PSG1: variants seen among roughly 807,000 people sequenced by gnomAD.
The protein encoded by PSG1 is pregnancy specific beta-1-glycoprotein 1.
PSG1 carries 60 observed loss-of-function variants against 41.4 expected under a neutral mutation model. That is an observed-to-expected ratio of 1.45 (90% confidence interval 1.18 to 1.80). The LOEUF (loss-of-function observed/expected upper bound fraction) is 1.80, where lower values mean the gene tolerates loss of function less well. Among genes scored for constraint, PSG1 ranks in the 40% most tolerant of loss-of-function variants. PSG1 has a pLI of 0.00. For missense variants in PSG1, 806 were observed against 516.9 expected (o/e 1.56, Z -5.42); for synonymous variants, 256 against 192.9 (o/e 1.33, Z -2.71).
Position 42,868,184 on chromosome 19 carries a change from T to A in PSG1, c.1160A>T (p.Lys387Met). ...QKLFIRHITT[K>M]HSGLYVCSVR... ...AGAGCAAACATAGAGCCCGCTATGCTTTGTAGTAATATGGCGGATAAAGAG... is the reference window on the plus strand; with the variant it reads ...AGAGCAAACATAGAGCCCGCTATGCATTGTAGTAATATGGCGGATAAAGAG... Residue 387 changes from lysine (K) to methionine (M), a missense_variant, in exon 5 of 6, where the codon AAG (lysine) becomes ATG (methionine). Physicochemically the swap from Lys to Met is moderately conservative, Grantham distance 95. Coordinates refer to ENST00000436291, the MANE Select transcript of PSG1 (RefSeq NM_001184825.2). 1 of 1,612,378 alleles carries A rather than the reference T, an allele frequency of 6.2e-7. No homozygotes were observed. The highest frequency in any genetic ancestry group is 2.2e-5 in the East Asian group (1 of 44,806).
At chr19:42,872,837 A>T (rs1971451611) in intron 2 of PSG1, among the ~76,000 whole-genome samples, 4 of 151,828 alleles carry the variant, frequency 2.6e-5, no homozygotes, top group Admixed American at 2.0e-4. Flanking sequence ...CTAGAAATAC[A>T]TGTGGATCTT....
chr19:42,878,309 T>G (rs1249187887), intron 1 of PSG1, 31 bp from the exon 2 acceptor site: 5 of 1,583,592 alleles, frequency 3.2e-6, no homozygotes, highest in Non-Finnish European at 4.3e-6. Flanking sequence ...CAGTCAATAT[T>G]GAGACCTATG....
At chr19:42,873,505 G>A (rs1338203158) in intron 2 of PSG1, among the ~76,000 whole-genome samples, 4 of 151,766 alleles carry the variant, frequency 2.6e-5, no homozygotes, top group East Asian at 3.9e-4. Flanking sequence ...AAATTTGGAG[G>A]AAACATTAAA....
intron 2 of PSG1, among the ~76,000 whole-genome samples, chr19:42,875,606 C>T (rs1971570101): frequency 6.6e-6 from 1 of 151,388 alleles, no homozygotes; most frequent in Non-Finnish European, 1.5e-5. Context: ...ATCATGTCCC[C>T]CTGCCCCCAT....
Position 42,866,851 on chromosome 19 carries a change from G to C in PSG1, c.*283C>G, listed in dbSNP as rs149410315. 4.8e-6 allele frequency: 3 copies of C among 627,134 alleles called. No individual in the cohort carries two copies. The highest frequency in any genetic ancestry group is 2.8e-5 in the East Asian group (1 of 36,086). 38.8% of individuals were successfully genotyped at this position (627,134 alleles called of 1,614,324 possible). A position where few individuals can be genotyped will look rare whatever the true frequency, so the allele number is the denominator to read the frequency against. On this transcript the variant is annotated 3_prime_UTR_variant, in exon 6 of 6. Transcript: ENST00000436291. ...CATGAGCAAGGACAGTTAAGAGGGG[G>C]GAGAGCCTCATCATGATGGGGAGTC... is the stretch of plus-strand genomic sequence containing the variant.
At chr19:42,867,573 G>C (rs911796450) in intron 5 of PSG1, 1 of 649,018 alleles carries the variant, frequency 1.5e-6, no homozygotes, top group Non-Finnish European at 2.8e-6. Flanking sequence ...GATTTCAAAT[G>C]TGTCATGTTA....
intron 3 of PSG1, 124 bp downstream of exon 3, chr19:42,871,643 G>C: frequency 6.2e-7 from 1 of 1,606,046 alleles, no homozygotes; most frequent in Non-Finnish European, 8.5e-7. Context: ...CAAAGTCATG[G>C]CCAGGTTTGA....
chr19:42,875,959 A>T (rs1971586658), intron 2 of PSG1, among the ~76,000 whole-genome samples: 1 of 150,084 alleles, frequency 6.7e-6, no homozygotes, highest in Non-Finnish European at 1.5e-5. Context: ...CCTGGATGGG[A>T]ATACAGTGGA....
chr19:42,876,593 G>C (rs747836234), intron 2 of PSG1: 7 of 363,252 alleles, frequency 1.9e-5, no homozygotes, highest in Non-Finnish European at 3.8e-5. Context: ...TGGTGGTGTA[G>C]AGTGTGAGTG....
chr19:42,878,626 C>A (rs1971728642), intron 1 of PSG1, among the ~76,000 whole-genome samples: 1 of 146,042 alleles, frequency 6.8e-6, no homozygotes, highest in Non-Finnish European at 1.5e-5. Context: ...CATCGTTAGA[C>A]TTCTTTCCTG....
chr19:42,875,586 G>A (rs1971568991), intron 2 of PSG1, among the ~76,000 whole-genome samples: 1 of 151,426 alleles, frequency 6.6e-6, no homozygotes, highest in African/African-American at 2.4e-5. Flanking sequence ...GCAGATTCAA[G>A]CACAAACAGA....
Position 42,866,864 on chromosome 19 carries a change from A to C in PSG1, c.*270T>G. ...AGTTAAGAGGGGGGAGAGCCTCATC[A>C]TGATGGGGAGTCTTGTTCTGACATC... is the stretch of plus-strand genomic sequence containing the variant. On this transcript the variant is annotated 3_prime_UTR_variant, in exon 6 of 6. Coordinates refer to ENST00000436291, the MANE Select transcript of PSG1 (RefSeq NM_001184825.2). 1.6e-6 allele frequency: 1 copy of C among 635,866 alleles called. No individual in the cohort carries two copies. Among genetic ancestry groups the C allele is most frequent in the South Asian group, 1.8e-5 (1 of 55,440 alleles). 39.4% of individuals were successfully genotyped at this position (635,866 alleles called of 1,614,324 possible). A position where few individuals can be genotyped will look rare whatever the true frequency, so the allele number is the denominator to read the frequency against.
At chr19:42,872,487 T>C (rs1971435867) in intron 2 of PSG1, among the ~76,000 whole-genome samples, 1 of 151,708 alleles carries the variant, frequency 6.6e-6, no homozygotes, top group South Asian at 2.1e-4. Context: ...TAGAGATGGA[T>C]GATGGAACTT....
rs1568415860 is a variant in PSG1, at chr19:42,868,749, T to C, written c.988+7A>G. Reference sequence around the variant, plus strand: ...TCCTGGCCCACAGAGGAACAAAAGATACTCACAGAGGACATTCAGGGTGAC... The same window carrying C: ...TCCTGGCCCACAGAGGAACAAAAGACACTCACAGAGGACATTCAGGGTGAC... On this transcript the variant is annotated splice_region_variant and intron_variant, in intron 4 of 5. Coordinates refer to ENST00000436291, the MANE Select transcript of PSG1 (RefSeq NM_001184825.2). 1.2e-6 allele frequency: 2 copies of C among 1,611,452 alleles called. No homozygotes were observed. Among genetic ancestry groups the C allele is most frequent in the East Asian group, 2.2e-5 (1 of 44,800 alleles).
chr19:42,877,073 T>A lies in PSG1; in HGVS notation c.430+840A>T, dbSNP rs58274327. 4.3e-3 allele frequency among the ~76,000 whole-genome samples: 648 copies of A among 151,790 alleles called. 15 individuals are homozygous for A. The highest frequency in any genetic ancestry group is 0.014 in the African/African-American group (597 of 41,346). On this transcript the variant is annotated intron_variant, in intron 2 of 5. Transcript: ENST00000436291. The stretch of plus-strand genomic sequence containing the variant: ...TGCTATCTGTGAATAAATGTTAAAT[T>A]ATTCACAGTCACCTGACCTAATGCT...
chr19:42,879,377 C>T (rs1379344541), intron 1 of PSG1, 141 bp downstream of exon 1: 22 of 1,346,472 alleles, frequency 1.6e-5, no homozygotes, highest in Non-Finnish European at 2.2e-5. Context: ...TGATCTTGAA[C>T]TTCTGATCTC....
Position 42,877,975 on chromosome 19 carries a change from T to C in PSG1, c.368A>G (p.His123Arg). The C allele has an allele frequency of 6.2e-7, 1 of 1,612,342 alleles. No homozygotes were observed. Among genetic ancestry groups the C allele is most frequent in the Non-Finnish European group, 8.5e-7 (1 of 1,179,144 alleles). ...TREDAGSYTL[H>R]IIKGDDGTRG... is the part of the protein sequence containing the mutation. ...AGTCCCATCATCTCCCTTTATGATG[T>C]GTAAGGTGTAGGATCCTGCGTCCTC... Residue 123 changes from histidine (H) to arginine (R), a missense_variant, in exon 2 of 6, where the codon CAC becomes CGC. By Grantham distance (29) the His-to-Arg change is conservative. Transcript: ENST00000436291.
rs1034802776 is a variant in PSG1 at position 42,867,527 on chromosome 19, T to C, written c.1244-377A>G. ...GTTCATTCTATCTATGTTTTTAATA[T>C]AACATCCGAATCAAAGCATTGGTAA... On this transcript the variant is annotated intron_variant, in intron 5 of 5. Transcript: ENST00000436291. The C allele has an allele frequency of 6.6e-6, 4 of 605,968 alleles. No homozygotes were observed. In the African/African-American group the frequency reaches 7.5e-5, roughly 11 times the overall value. 37.5% of individuals were successfully genotyped at this position (605,968 alleles called of 1,614,324 possible).
chr19:42,871,490 C>T (rs1228296066), intron 3 of PSG1, among the ~76,000 whole-genome samples: 5 of 151,732 alleles, frequency 3.3e-5, no homozygotes, highest in Admixed American at 3.3e-4. Context: ...GCCAAATCCC[C>T]ACTGTGTTCA....
Sources: allele counts gnomAD v4.1 joint callset (sites outside exome capture counted in the v4.1 genomes callset), GRCh38; gene constraint gnomAD v4.1.1; transcripts MANE v1.5; gene names NCBI Gene and HGNC (gene_info 2026-07-23, HGNC 2026-07-21).